Variants in FAM114A1 observed in about 807,000 individuals in gnomAD.
FAM114A1 encodes the protein protein NOXP20.
In FAM114A1, 62 loss-of-function variants were observed where a neutral mutation model predicts 64.3. That is an observed-to-expected ratio of 0.96 (90% confidence interval 0.79 to 1.19). The LOEUF is 1.19. Ranked by LOEUF, FAM114A1 falls within the 50% of genes most tolerant of loss-of-function variation. The pLI is 0.00. For synonymous variants in FAM114A1, 254 were observed against 251.1 expected (o/e 1.01, Z -0.11); for missense variants, 645 against 676.3 (o/e 0.95, Z 0.51).
At chr4:38,874,179 G>A (rs1353545410) in intron 2 of FAM114A1, among the ~76,000 whole-genome samples, 1 of 152,186 alleles carries the variant, frequency 6.6e-6, no homozygotes, top group Non-Finnish European at 1.5e-5. Flanking sequence ...TTTACTAAAA[G>A]TGTGACTTCT....
chr4:38,928,976 C>G, intron 9 of FAM114A1: 1 of 451,222 alleles, frequency 2.2e-6, no homozygotes, highest in Non-Finnish European at 4.1e-6. Context: ...CCTCCCTGAC[C>G]TCTTGTTGCC....
chr4:38,880,735 T>C (rs1715178670), intron 3 of FAM114A1, among the ~76,000 whole-genome samples: 1 of 152,184 alleles, frequency 6.6e-6, no homozygotes, highest in Non-Finnish European at 1.5e-5. Context: ...TTAACAAATA[T>C]CTTGGTACAG....
intron 6 of FAM114A1, among the ~76,000 whole-genome samples, chr4:38,907,443 A>G (rs937816469): frequency 2.6e-5 from 4 of 152,156 alleles, no homozygotes; most frequent in Admixed American, 6.5e-5. Context: ...TCTATCCTTA[A>G]CACAAATCCC....
At chr4:38,927,818 G>C (rs756898189) in intron 9 of FAM114A1, among the ~76,000 whole-genome samples, 1 of 152,046 alleles carries the variant, frequency 6.6e-6, no homozygotes, top group Non-Finnish European at 1.5e-5. Context: ...CAAGTAGCTG[G>C]GATTACAGGC....
chr4:38,886,242 G>A (rs1350598444), intron 3 of FAM114A1, among the ~76,000 whole-genome samples: 1 of 150,556 alleles, frequency 6.6e-6, no homozygotes, highest in South Asian at 2.1e-4. Flanking sequence ...CACGATCTCA[G>A]CTCACTGCAA....
At chr4:38,873,171 A>G (rs541844281) in intron 2 of FAM114A1, among the ~76,000 whole-genome samples, 2 of 152,202 alleles carry the variant, frequency 1.3e-5, no homozygotes, top group Non-Finnish European at 2.9e-5. Flanking sequence ...TAAACTTTGT[A>G]TACCAGCTCA....
chr4:38,929,710 A>T (rs1720475316), intron 10 of FAM114A1, among the ~76,000 whole-genome samples: 1 of 152,194 alleles, frequency 6.6e-6, no homozygotes, highest in Non-Finnish European at 1.5e-5. Context: ...CCAGGAGGCC[A>T]AGGTTGCAGG....
At chr4:38,940,875 G>T in intron 13 of FAM114A1, 93 bp from the exon 14 acceptor site, 2 of 1,306,974 alleles carry the variant, frequency 1.5e-6, no homozygotes, top group Non-Finnish European at 1.1e-6. Context: ...CTCTGCAAGA[G>T]ATCCCTCAAC....
chr4:38,933,263 C>T (rs1029907758), intron 12 of FAM114A1, among the ~76,000 whole-genome samples: 4 of 152,202 alleles, frequency 2.6e-5, no homozygotes, highest in African/African-American at 9.7e-5. Context: ...TAAATCATTG[C>T]ATGAGGCGTG....
At position 38,935,792 on chromosome 4, in the gene FAM114A1, T is replaced by A. The variant is rs1286702184; in HGVS notation, c.1536+2T>A. On this transcript the variant is annotated splice_donor_variant, in intron 13 of 14. Coordinates refer to ENST00000358869, the MANE Select transcript of FAM114A1 (RefSeq NM_138389.4). LOFTEE classifies it high-confidence loss of function. ...ACGAATTCTTTAACCACTGTTGGGG[T>A]AAGATTACAGTCTTGAATTTTTTTC... 6.2e-7 allele frequency: 1 copy of A among 1,605,684 alleles called. No homozygotes were observed. The highest frequency in any genetic ancestry group is 8.5e-7 in the Non-Finnish European group (1 of 1,173,308).
chr4:38,915,945 T>C (rs1719014287), intron 8 of FAM114A1, among the ~76,000 whole-genome samples: 1 of 152,162 alleles, frequency 6.6e-6, no homozygotes, highest in Non-Finnish European at 1.5e-5. Flanking sequence ...CACCAGGCAG[T>C]ACCCTCTGGG....
intron 7 of FAM114A1, among the ~76,000 whole-genome samples, chr4:38,909,810 A>G (rs762247237): frequency 6.6e-6 from 1 of 152,238 alleles, no homozygotes. Flanking sequence ...GGCAACCCCT[A>G]GAAGCTTTTG....
chr4:38,907,935 G>C (rs1250274439), intron 6 of FAM114A1, among the ~76,000 whole-genome samples: 6 of 152,150 alleles, frequency 3.9e-5, no homozygotes. Context: ...AAGCAACAAT[G>C]ACTGACAAAG....
intron 8 of FAM114A1, 140 bp from the exon 9 acceptor site, chr4:38,922,630 G>A (rs1224855789): frequency 6.8e-6 from 7 of 1,025,880 alleles, no homozygotes; most frequent in Non-Finnish European, 9.7e-6. Context: ...CAGTTAACAT[G>A]CATCAAGCCA....
chr4:38,908,953 G>C (rs906515914), intron 7 of FAM114A1, among the ~76,000 whole-genome samples: 1 of 152,140 alleles, frequency 6.6e-6, no homozygotes, highest in Non-Finnish European at 1.5e-5. Context: ...AGACCGCAGA[G>C]AGATATGGAT....
intron 4 of FAM114A1, 111 bp downstream of exon 4, chr4:38,891,941 C>A: frequency 2.3e-6 from 2 of 875,268 alleles, no homozygotes; most frequent in Non-Finnish European, 3.3e-6. Flanking sequence ...GTGAGCAAAC[C>A]ATGTTTAGTG....
chr4:38,889,866 G>A (rs1444909399), intron 3 of FAM114A1, among the ~76,000 whole-genome samples: 1 of 152,116 alleles, frequency 6.6e-6, no homozygotes, highest in African/African-American at 2.4e-5. Context: ...AGCTACTTAT[G>A]TTGGTTTAGT....
rs150386105 is a variant in FAM114A1, at chr4:38,936,656, G to A, written c.1536+866G>A. Among the ~76,000 whole-genome samples, 847 of 149,516 alleles carry A rather than the reference G, an allele frequency of 5.7e-3. 10 individuals carry two copies. Among genetic ancestry groups the A allele is most frequent in the African/African-American group, 0.019 (786 of 40,510 alleles). The stretch of plus-strand genomic sequence containing the variant: ...CAGCCTCCACCTCCTGGGTTGAAGC[G>A]ATTCTCCTGCCTCAGCCTCCAAAGT... On this transcript the variant is annotated intron_variant, in intron 13 of 14. Transcript: ENST00000358869.
At chr4:38,917,458 T>C (rs1161306400) in intron 8 of FAM114A1, among the ~76,000 whole-genome samples, 3 of 152,220 alleles carry the variant, frequency 2.0e-5, no homozygotes, top group Admixed American at 6.5e-5. Flanking sequence ...TAATAAAATC[T>C]ACCTCACAGA....
Sources: allele counts gnomAD v4.1 joint callset (sites outside exome capture counted in the v4.1 genomes callset), GRCh38; gene constraint gnomAD v4.1.1; transcripts MANE v1.5; gene names NCBI Gene and HGNC (gene_info 2026-07-23, HGNC 2026-07-21).